The following CNTNAP5 variants were observed in gnomAD, a reference collection of about 807,000 sequenced individuals.
CNTNAP5 encodes the protein contactin associated protein family member 5.
CNTNAP5 carries 72 observed loss-of-function variants against 150.2 expected under a neutral mutation model. The observed-to-expected ratio is 0.48, with a 90% CI of 0.40 to 0.58. The LOEUF (loss-of-function observed/expected upper bound fraction) is 0.58, where lower values mean the gene tolerates loss of function less well. Ranked by LOEUF, CNTNAP5 falls within the 20% of genes least tolerant of loss-of-function variation. The pLI is 0.00. For missense variants in CNTNAP5, 1,636 were observed against 1,626.2 expected (o/e 1.01, Z -0.10); for synonymous variants, 672 against 619.8 (o/e 1.08, Z -1.25).
At chr2:124,144,057 A>G (rs1259358875) in intron 1 of CNTNAP5, among the ~76,000 whole-genome samples, 4 of 149,902 alleles carry the variant, frequency 2.7e-5, no homozygotes, top group Non-Finnish European at 5.9e-5. Flanking sequence ...TTTAAAGAGA[A>G]TAAAATACCT....
chr2:124,840,813 G>T (rs1334623681), intron 19 of CNTNAP5, among the ~76,000 whole-genome samples: 1 of 152,098 alleles, frequency 6.6e-6, no homozygotes, highest in East Asian at 1.9e-4. Context: ...TTATGAAAGT[G>T]CCTGGAGCCA....
At position 124,423,915 on chromosome 2, in the gene CNTNAP5, CG is replaced by C. The variant is rs1359770070; in HGVS notation, c.529+6327del. On this transcript the variant is annotated intron_variant, in intron 4 of 23. Transcript: ENST00000682447. ...TCCTGACCTCGTGATCCGCCCGCCT[CG>C]GCCTCCCAAAGTGCTGGGATTACAG... Among the ~76,000 whole-genome samples the C allele has an allele frequency of 3.3e-5, 5 of 151,890 alleles. No individual in the cohort carries two copies. In the East Asian group the frequency reaches 9.7e-4, roughly 30 times the overall value.
At chr2:124,631,331 A>T (rs1431223949) in intron 12 of CNTNAP5, among the ~76,000 whole-genome samples, 1 of 152,200 alleles carries the variant, frequency 6.6e-6, no homozygotes, top group Admixed American at 6.5e-5. Context: ...ACTATACTAC[A>T]AGGCTGTAGT....
intron 1 of CNTNAP5, among the ~76,000 whole-genome samples, chr2:124,096,117 A>G (rs1573750232): frequency 6.6e-6 from 1 of 152,178 alleles, no homozygotes; most frequent in Admixed American, 6.5e-5. Flanking sequence ...CTCGACATAC[A>G]CAAACATGAA....
intron 3 of CNTNAP5, among the ~76,000 whole-genome samples, chr2:124,276,158 A>G (rs1687879634): frequency 6.6e-6 from 1 of 152,216 alleles, no homozygotes; most frequent in South Asian, 2.1e-4. Flanking sequence ...TATATGGAAC[A>G]GCTTCTTAAA....
intron 7 of CNTNAP5, among the ~76,000 whole-genome samples, chr2:124,491,060 A>C (rs542454373): frequency 1.3e-5 from 2 of 152,278 alleles, no homozygotes; most frequent in African/African-American, 2.4e-5. Flanking sequence ...CAAGGTGTAC[A>C]ATGTGATAAT....
chr2:124,786,333 G>GAGAAAGAAAGAAAGGAAGGAAGAA (rs1681569346), intron 17 of CNTNAP5, among the ~76,000 whole-genome samples: 1 of 123,114 alleles, frequency 8.1e-6, no homozygotes. Flanking sequence ...AAGAAAGAAA[G>GAGAAAGAAAGAAAGGAAGGAAGAA]AGAAAGAAAG....
rs188190937 is a variant in CNTNAP5, at chr2:124,263,611, T to G, written c.381+21218T>G. Among the ~76,000 whole-genome samples the G allele has an allele frequency of 1.6e-3, 245 of 152,338 alleles. 4 individuals carry two copies. The highest frequency in any genetic ancestry group is 0.015 in the Admixed American group (228 of 15,300). On this transcript the variant is annotated intron_variant, in intron 3 of 23. Coordinates refer to ENST00000682447, the MANE Select transcript of CNTNAP5 (RefSeq NM_001367498.1). Reference sequence around the variant, plus strand: ...CCTTCTGTAGGTTGCCTGTTCACGCTGATGGTAGTTTCTTTTGCTGTGCAG... The same window carrying G: ...CCTTCTGTAGGTTGCCTGTTCACGCGGATGGTAGTTTCTTTTGCTGTGCAG...
chr2:124,192,657 C>T (rs778156270), intron 1 of CNTNAP5, among the ~76,000 whole-genome samples: 2 of 152,130 alleles, frequency 1.3e-5, no homozygotes, highest in African/African-American at 2.4e-5. Context: ...CCAGTTGTCT[C>T]GCTGAAAATC....
chr2:124,414,946 C>T (rs899901236), intron 3 of CNTNAP5, among the ~76,000 whole-genome samples: 1 of 152,146 alleles, frequency 6.6e-6, no homozygotes, highest in Non-Finnish European at 1.5e-5. Context: ...TGTAGAAAAA[C>T]ATGACACACT....
At chr2:124,263,751 A>G (rs908016948) in intron 3 of CNTNAP5, among the ~76,000 whole-genome samples, 8 of 152,176 alleles carry the variant, frequency 5.3e-5, no homozygotes, top group Admixed American at 2.0e-4. Context: ...GGTATTGCCC[A>G]GGTTTTCTTC....
chr2:124,067,524 C>G (rs1201569666), intron 1 of CNTNAP5, among the ~76,000 whole-genome samples: 1 of 152,176 alleles, frequency 6.6e-6, no homozygotes, highest in African/African-American at 2.4e-5. Context: ...CACAGATAAC[C>G]CTGGATAATC....
intron 10 of CNTNAP5, among the ~76,000 whole-genome samples, chr2:124,542,971 A>G (rs1422751838): frequency 6.6e-6 from 1 of 152,190 alleles, no homozygotes; most frequent in African/African-American, 2.4e-5. Flanking sequence ...ATGTCATTGT[A>G]TACCCAAAAC....
intron 3 of CNTNAP5, among the ~76,000 whole-genome samples, chr2:124,352,425 A>G (rs996755773): frequency 2.0e-5 from 3 of 152,206 alleles, no homozygotes; most frequent in African/African-American, 7.2e-5. Context: ...TGGAGGGCAC[A>G]TAAAGAAGGT....
At chr2:124,573,543 A>G (rs1213601421) in intron 11 of CNTNAP5, among the ~76,000 whole-genome samples, 2 of 152,248 alleles carry the variant, frequency 1.3e-5, no homozygotes, top group Non-Finnish European at 2.9e-5. Flanking sequence ...TTAACTGAAT[A>G]TAATTTAATT....
intron 3 of CNTNAP5, among the ~76,000 whole-genome samples, chr2:124,385,839 C>T (rs1324107471): frequency 6.6e-6 from 1 of 152,194 alleles, no homozygotes; most frequent in African/African-American, 2.4e-5. Flanking sequence ...TCACATTATC[C>T]TACCAATGTC....
At chr2:124,377,062 A>G (rs2104733316) in intron 3 of CNTNAP5, among the ~76,000 whole-genome samples, 1 of 152,218 alleles carries the variant, frequency 6.6e-6, no homozygotes, top group South Asian at 2.1e-4. Flanking sequence ...GACAAAATAA[A>G]AGTCTCCAAG....
chr2:124,761,292 T>C (rs1680950409), intron 14 of CNTNAP5, among the ~76,000 whole-genome samples: 1 of 152,092 alleles, frequency 6.6e-6, no homozygotes, highest in Admixed American at 6.6e-5. Flanking sequence ...TTTAATTAAA[T>C]CCGATCATAT....
intron 1 of CNTNAP5, among the ~76,000 whole-genome samples, chr2:124,176,649 T>C (rs1241974661): frequency 6.6e-6 from 1 of 152,068 alleles, no homozygotes; most frequent in Non-Finnish European, 1.5e-5. Flanking sequence ...CAAACTTTGA[T>C]TGGACAAATA....
Sources: allele counts gnomAD v4.1 joint callset (sites outside exome capture counted in the v4.1 genomes callset), GRCh38; gene constraint gnomAD v4.1.1; transcripts MANE v1.5; gene names NCBI Gene and HGNC (gene_info 2026-07-23, HGNC 2026-07-21).